The following PAX5 variants were observed in gnomAD, a reference collection of about 807,000 sequenced individuals.
PAX5 encodes paired box 5.
In PAX5, 9 loss-of-function variants were observed where a neutral mutation model predicts 43.7. The observed-to-expected ratio is 0.21, with a 90% CI of 0.12 to 0.36. The LOEUF (loss-of-function observed/expected upper bound fraction) is 0.36. Ranked by LOEUF, PAX5 falls within the 10% of genes least tolerant of loss-of-function variation. PAX5 has a pLI of 1.00. For synonymous variants in PAX5, 228 were observed against 214.3 expected (o/e 1.06, Z -0.56); for missense variants, 383 against 532.7 (o/e 0.72, Z 2.77).
At chr9:36,998,197 C>G (rs1324915159) in intron 5 of PAX5, among the ~76,000 whole-genome samples, 1 of 152,216 alleles carries the variant, frequency 6.6e-6, no homozygotes, top group Non-Finnish European at 1.5e-5. Flanking sequence ...GAGATCTTAC[C>G]TGCTGCTGAA....
intron 7 of PAX5, among the ~76,000 whole-genome samples, chr9:36,908,097 G>C (rs978635697): frequency 6.6e-6 from 1 of 151,928 alleles, no homozygotes; most frequent in Non-Finnish European, 1.5e-5. Flanking sequence ...TACTTGAAAG[G>C]CTGAGGTGGG....
chr9:37,007,841 C>T (rs1173076440), intron 3 of PAX5: 1 of 152,092 alleles, frequency 6.6e-6, no homozygotes. Context: ...TTTCTCTTAA[C>T]AAAATCAGGA....
At chr9:36,871,918 T>C (rs1241947866) in intron 8 of PAX5, among the ~76,000 whole-genome samples, 4 of 152,226 alleles carry the variant, frequency 2.6e-5, no homozygotes, top group Non-Finnish European at 5.9e-5. Context: ...GTCCTTGCAA[T>C]GGGGTTGTGA....
intron 6 of PAX5, among the ~76,000 whole-genome samples, chr9:36,938,187 G>A (rs1046960713): frequency 1.3e-5 from 2 of 152,014 alleles, no homozygotes; most frequent in African/African-American, 4.8e-5. Context: ...TTTTAATTAC[G>A]GAAATATATT....
rs140802696 is a variant in PAX5 at position 36,883,795 on chromosome 9, G to A, written c.911-1690C>T. Reference sequence around the variant, plus strand: ...TATCAAGATTCAAAAAAAAAGCACAGATAATCAAGATAAAGGATGAGGAGA... The same window carrying A: ...TATCAAGATTCAAAAAAAAAGCACAAATAATCAAGATAAAGGATGAGGAGA... On this transcript the variant is annotated intron_variant, in intron 7 of 9. Coordinates refer to ENST00000358127, the MANE Select transcript of PAX5 (RefSeq NM_016734.3). Among the ~76,000 whole-genome samples the A allele has an allele frequency of 8.6e-5, 13 of 151,942 alleles. No homozygotes were observed. In the East Asian group the frequency reaches 2.5e-3, roughly 29 times the overall value.
intron 6 of PAX5, among the ~76,000 whole-genome samples, chr9:36,941,434 G>A (rs7047780): frequency 0.23 from 35,240 of 151,992 alleles, 4,490 homozygotes; most frequent in East Asian, 0.57. Flanking sequence ...GAGAGCGTCC[G>A]TCTTGAGGGG....
Position 37,002,726 on chromosome 9 carries a change from C to G in PAX5, c.526G>C (p.Gly176Arg), listed in dbSNP as rs142399779. Residue 176 changes from glycine (G) to arginine (R), a missense_variant, in exon 5 of 10, where the codon GGC becomes CGC. By Grantham distance (125) the Gly-to-Arg change is moderately radical. This residue lies in a region of PAX5 where 291 missense variants were observed against 342.5 expected (regional missense o/e 0.85). Transcript: ENST00000358127. ...ATGCCGCTGATGGAGTACGACGAGC[C>G]GGCCGAATCCGTGCTCACCGAGGAC... ...QVSSVSTDSA[G>R]SSYSISGILG... 216 of 1,610,450 alleles carry G rather than the reference C, an allele frequency of 1.3e-4. No individual in the cohort carries two copies. Among genetic ancestry groups the G allele is most frequent in the Non-Finnish European group, 1.8e-4 (207 of 1,178,938 alleles).
chr9:37,014,477 T>G (rs1172206044), intron 3 of PAX5, among the ~76,000 whole-genome samples: 2 of 152,164 alleles, frequency 1.3e-5, no homozygotes, highest in Non-Finnish European at 2.9e-5. Flanking sequence ...AAGGTCCCAC[T>G]TTGAGCTTGT....
chr9:36,934,958 T>G (rs1041910398), intron 6 of PAX5, among the ~76,000 whole-genome samples: 1 of 152,214 alleles, frequency 6.6e-6, no homozygotes, highest in Non-Finnish European at 1.5e-5. Flanking sequence ...CCAGAGGTGC[T>G]TCCCAGGGTC....
chr9:36,926,523 A>G (rs907197412), intron 6 of PAX5, among the ~76,000 whole-genome samples: 6 of 152,244 alleles, frequency 3.9e-5, no homozygotes, highest in African/African-American at 1.4e-4. Flanking sequence ...GTAGAACAAG[A>G]CTTGGTCGTG....
intron 8 of PAX5, among the ~76,000 whole-genome samples, chr9:36,874,675 C>T (rs1174997388): frequency 6.6e-6 from 1 of 152,178 alleles, no homozygotes; most frequent in Non-Finnish European, 1.5e-5. Flanking sequence ...CCACTGTATT[C>T]GGAGACTGCC....
chr9:36,950,834 A>G (rs1454738708), intron 6 of PAX5, among the ~76,000 whole-genome samples: 2 of 144,078 alleles, frequency 1.4e-5, no homozygotes, highest in African/African-American at 2.6e-5. Context: ...TCCGCCTTCC[A>G]GGTTCAAGCG....
At chr9:36,940,517 C>T (rs772899778) in intron 6 of PAX5, among the ~76,000 whole-genome samples, 5 of 152,112 alleles carry the variant, frequency 3.3e-5, no homozygotes, top group South Asian at 2.1e-4. Flanking sequence ...CACATGCTTG[C>T]GCACACGACC....
intron 5 of PAX5, among the ~76,000 whole-genome samples, chr9:36,999,210 C>T (rs374005876): frequency 3.9e-5 from 6 of 152,206 alleles, no homozygotes; most frequent in Non-Finnish European, 5.9e-5. Flanking sequence ...TGCTGGTCCT[C>T]TCCCTGCACA....
intron 5 of PAX5, among the ~76,000 whole-genome samples, chr9:36,972,572 A>T (rs963765816): frequency 2.0e-5 from 3 of 152,190 alleles, no homozygotes; most frequent in African/African-American, 7.2e-5. Context: ...CCCACCGCTA[A>T]GAGACTGCCT....
At chr9:36,904,574 T>C (rs1828664274) in intron 7 of PAX5, among the ~76,000 whole-genome samples, 1 of 151,452 alleles carries the variant, frequency 6.6e-6, no homozygotes, top group African/African-American at 2.4e-5. Context: ...TAGAGATAAA[T>C]TAGAGAGAGA....
rs181506829 is a variant in PAX5, at chr9:36,859,320, C to G, written c.1013-12391G>C. Among the ~76,000 whole-genome samples, 14 of 152,250 alleles carry G rather than the reference C, an allele frequency of 9.2e-5. No homozygotes were observed. The East Asian group carries it at 2.7e-3, about 29-fold the overall frequency. ...AGTGTGTTTGTACAGGTATGAAAGC[C>G]GGGCCGGGCTGAAGTAGGGAAGGGA... On this transcript the variant is annotated intron_variant, in intron 8 of 9. Coordinates refer to ENST00000358127, the MANE Select transcript of PAX5 (RefSeq NM_016734.3).
intron 1 of PAX5, among the ~76,000 whole-genome samples, chr9:37,031,732 G>A (rs1841010480): frequency 6.6e-6 from 1 of 152,152 alleles, no homozygotes; most frequent in African/African-American, 2.4e-5. Context: ...GACATTAGAG[G>A]AGAAGGTCCT....
intron 6 of PAX5, among the ~76,000 whole-genome samples, chr9:36,929,062 A>G (rs1048146423): frequency 6.6e-6 from 1 of 152,218 alleles, no homozygotes; most frequent in African/African-American, 2.4e-5. Context: ...TCCTGCCACA[A>G]TGATCTTCCC....
Sources: allele counts gnomAD v4.1 joint callset (sites outside exome capture counted in the v4.1 genomes callset), GRCh38; gene constraint gnomAD v4.1.1; regional missense constraint gnomAD v4.1.1; transcripts MANE v1.5; gene names NCBI Gene and HGNC (gene_info 2026-07-23, HGNC 2026-07-21).